The following RNU6-2 variants were observed in gnomAD, a reference collection of about 807,000 sequenced individuals.
RNU6-2 encodes RNA, U6B small nuclear.
exon 1 of RNU6-2, chr19:1,021,532 C>G (rs916588209): frequency 2.0e-5 from 3 of 152,238 alleles, no homozygotes; most frequent in African/African-American, 7.2e-5. Context: ...GTGCTCGCTT[C>G]GGCAGCACAT....
exon 1 of RNU6-2, chr19:1,021,568 A>G (rs2039301160): frequency 6.6e-6 from 1 of 152,234 alleles, no homozygotes; most frequent in Non-Finnish European, 1.5e-5. Context: ...CGATACAGAG[A>G]AGATTAGCAT....
At chr19:1,021,625 T>A (rs565070599) in exon 1 of RNU6-2, 2 of 152,260 alleles carry the variant, frequency 1.3e-5, no homozygotes, top group Non-Finnish European at 2.9e-5. Flanking sequence ...CGTTCCATAT[T>A]TTTGCTGTAG....
exon 1 of RNU6-2, chr19:1,021,613 A>T (rs181257715): frequency 6.6e-6 from 1 of 152,278 alleles, no homozygotes; most frequent in Non-Finnish European, 1.5e-5. Flanking sequence ...AAATTCGTGA[A>T]GCGTTCCATA....
chr19:1,021,556 A>T (rs1278697519), exon 1 of RNU6-2: 1 of 152,268 alleles, frequency 6.6e-6, no homozygotes, highest in Non-Finnish European at 1.5e-5. Context: ...CTAAAATTGG[A>T]ACGATACAGA....
exon 1 of RNU6-2, chr19:1,021,620 C>G (rs531379801): frequency 2.6e-5 from 4 of 152,230 alleles, no homozygotes; most frequent in Non-Finnish European, 4.4e-5. Context: ...TGAAGCGTTC[C>G]ATATTTTTGC....
exon 1 of RNU6-2, chr19:1,021,570 G>GT (rs1195002154): frequency 6.6e-6 from 1 of 152,298 alleles, no homozygotes; most frequent in Non-Finnish European, 1.5e-5. Flanking sequence ...ATACAGAGAA[G>GT]ATTAGCATGG....
chr19:1,021,523 T>C (rs1020086270), exon 1 of RNU6-2: 1 of 152,304 alleles, frequency 6.6e-6, no homozygotes, highest in African/African-American at 2.4e-5. Context: ...CCTTGAGTCG[T>C]GCTCGCTTCG....
chr19:1,021,547 T>C (rs1391871476), exon 1 of RNU6-2: 2 of 152,242 alleles, frequency 1.3e-5, no homozygotes, highest in Non-Finnish European at 2.9e-5. Flanking sequence ...GCACATATAC[T>C]AAAATTGGAA....
At chr19:1,021,533 G>A (rs952085018) in exon 1 of RNU6-2, 2 of 152,198 alleles carry the variant, frequency 1.3e-5, no homozygotes, top group East Asian at 1.9e-4. Context: ...TGCTCGCTTC[G>A]GCAGCACATA....
At chr19:1,021,590 A>T (rs893471494) in exon 1 of RNU6-2, 1 of 152,310 alleles carries the variant, frequency 6.6e-6, no homozygotes, top group Admixed American at 6.5e-5. Context: ...GCCCCTGCGC[A>T]AGGATGACAC....
Sources: allele counts gnomAD v4.1 joint callset, GRCh38; gene constraint gnomAD v4.1.1; transcripts MANE v1.5; gene names NCBI Gene and HGNC (gene_info 2026-07-23, HGNC 2026-07-21).